The following CCL26 variants were observed in gnomAD, a reference collection of about 807,000 sequenced individuals.
CCL26 encodes the protein C-C motif chemokine ligand 26, also known as C-C motif chemokine 26.
Under a neutral mutation model 10.7 loss-of-function variants are expected in CCL26, and 10 were observed. The observed-to-expected ratio is 0.93, with a 90% CI of 0.57 to 1.58. The LOEUF is 1.58. Ranked by LOEUF, CCL26 falls within the 40% of genes most tolerant of loss-of-function variation. CCL26 has a pLI of 0.00. For missense variants in CCL26, 116 were observed against 111.0 expected, an observed-to-expected ratio of 1.05 and a Z score of -0.20; for synonymous variants, 43 against 41.4, an observed-to-expected ratio of 1.04 and a Z score of -0.15.
At chr7:75,778,862 C>A (rs2115666655) in intron 1 of CCL26, among the ~76,000 whole-genome samples, 1 of 151,730 alleles carries the variant, frequency 6.6e-6, no homozygotes, top group African/African-American at 2.4e-5. Context: ...GGGGGCAGAT[C>A]ACTAGGTCAG....
chr7:75,788,045 G>T (rs541216096), intron 1 of CCL26, among the ~76,000 whole-genome samples: 1 of 151,708 alleles, frequency 6.6e-6, no homozygotes, highest in Non-Finnish European at 1.5e-5. Flanking sequence ...AATCCTTCTC[G>T]AAGCAGCCCT....
In CCL26 at chr7:75,782,589, C is replaced by T. The variant is rs905403224; in HGVS notation, c.-79+7128G>A. On this transcript the variant is annotated intron_variant, in intron 1 of 3. Transcript: ENST00000394905. Reference sequence around the variant, plus strand: ...TCAAGAATTTAAAACCTCTTCAACTCTCACCTGACCTAAAATCTAAGCGTC... The same window carrying T: ...TCAAGAATTTAAAACCTCTTCAACTTTCACCTGACCTAAAATCTAAGCGTC... 2.0e-5 allele frequency among the ~76,000 whole-genome samples: 3 copies of T among 152,166 alleles called. No homozygotes were observed. In the East Asian group the frequency reaches 5.8e-4, roughly 29 times the overall value.
In CCL26 at chr7:75,772,160, A is replaced by G. The variant is rs550054284; in HGVS notation, c.17T>C (p.Leu6Ser). The change falls in exon 1 of 3, where the codon TTG (leucine) becomes TCG (serine). Residue 6 changes from leucine (L) to serine (S), a missense_variant. Transcript: ENST00000005180. ...GGAGGCCAGGAGCACAGCAGAGGCC[A>G]AGGAGAGGCCCATCATGATGCTGCA... MMGLS[L>S]ASAVLLASLL... The G allele has an allele frequency of 6.4e-7, 1 of 1,552,612 alleles. No homozygotes were observed. The highest frequency in any genetic ancestry group is 1.2e-5 in the South Asian group (1 of 84,364).
chr7:75,787,651 C>CAAAAAAAAAAAAAAAAAAAAAA lies in CCL26; in HGVS notation c.-79+2044_-79+2065dup, dbSNP rs55770109. On this transcript the variant is annotated intron_variant, in intron 1 of 3. Coordinates refer to the CCL26 transcript ENST00000394905. ...CAGAGTGAGACTCCGTCTCCAAAAG[C>CAAAAAAAAAAAAAAAAAAAAAA]AAAAAAAAAAAAAAAAAAAAAAAGA... Among the ~76,000 whole-genome samples, 5 of 27,748 alleles carry CAAAAAAAAAAAAAAAAAAAAAA rather than the reference C, an allele frequency of 1.8e-4. 1 individual carries two copies. Among genetic ancestry groups the CAAAAAAAAAAAAAAAAAAAAAA allele is most frequent in the Non-Finnish European group, 2.9e-4 (5 of 17,126 alleles). 18.2% of individuals were successfully genotyped at this position (27,748 alleles called of 152,430 possible).
chr7:75,790,131 TTCTC>T (rs1189850796), upstream of CCL26, among the ~76,000 whole-genome samples: 12 of 148,168 alleles, frequency 8.1e-5, no homozygotes, highest in South Asian at 2.2e-4. Flanking sequence ...CTTTCTTTCT[TTCTC>T]TCTCTCTCTT....
intron 1 of CCL26, among the ~76,000 whole-genome samples, chr7:75,777,853 T>C (rs1802977081): frequency 6.8e-6 from 1 of 147,520 alleles, no homozygotes; most frequent in African/African-American, 2.5e-5. Context: ...GGAGTCTTAC[T>C]CTGTTGCCCA....
intron 1 of CCL26, among the ~76,000 whole-genome samples, chr7:75,785,352 C>T (rs1166974011): frequency 2.0e-5 from 3 of 152,098 alleles, no homozygotes; most frequent in African/African-American, 4.8e-5. Context: ...TTTCTTTCTA[C>T]CCCTCTGCTT....
At chr7:75,780,872 A>C (rs1803045403) in intron 1 of CCL26, among the ~76,000 whole-genome samples, 1 of 149,450 alleles carries the variant, frequency 6.7e-6, no homozygotes, top group African/African-American at 2.5e-5. Context: ...TTATCACCTC[A>C]CCTCCTCACA....
At chr7:75,774,821 G>A (rs1031856448), upstream of CCL26, among the ~76,000 whole-genome samples, 1 of 152,138 alleles carries the variant, frequency 6.6e-6, no homozygotes, top group Non-Finnish European at 1.5e-5. Context: ...TCAGGAGGCC[G>A]AGGCAGGAGG....
At chr7:75,788,513 A>T (rs1264255509) in intron 1 of CCL26, among the ~76,000 whole-genome samples, 37 of 151,698 alleles carry the variant, frequency 2.4e-4, no homozygotes, top group Admixed American at 2.0e-3. Flanking sequence ...AAAAAGCTTT[A>T]TTGCTCACAC....
At position 75,777,674 on chromosome 7, in the gene CCL26, A is replaced by C. The variant is rs1292644275; in HGVS notation, c.-78-5420T>G. Among the ~76,000 whole-genome samples, 50 of 148,938 alleles carry C rather than the reference A, an allele frequency of 3.4e-4. 1 individual carries two copies. Among genetic ancestry groups the C allele is most frequent in the Non-Finnish European group, 1.3e-4 (9 of 67,460 alleles). On this transcript the variant is annotated intron_variant, in intron 1 of 3. Transcript: ENST00000394905. ...TGAGGTAGGAGGATTGCTGGAGCCC[A>C]GGAGTTCAAAGCTCAGGACTACCCA... is the stretch of plus-strand genomic sequence containing the variant.
At chr7:75,772,336 CAT>C, upstream of CCL26, 4 of 617,774 alleles carry the variant, frequency 6.5e-6, no homozygotes, top group South Asian at 3.9e-5. Context: ...AACTAATACT[CAT>C]AGGAATGAAA....
intron 1 of CCL26, among the ~76,000 whole-genome samples, chr7:75,778,285 G>A (rs1554528994): frequency 6.6e-6 from 1 of 151,872 alleles, no homozygotes; most frequent in Admixed American, 6.6e-5. Flanking sequence ...GCAGTGGCAC[G>A]ATCATAGCTC....
At chr7:75,776,394 G>A (rs1490067646), upstream of CCL26, among the ~76,000 whole-genome samples, 2 of 151,324 alleles carry the variant, frequency 1.3e-5, no homozygotes, top group African/African-American at 4.8e-5. Flanking sequence ...AATTAGCTGG[G>A]GCTGGGCATG....
chr7:75,773,484 G>C (rs967903305), upstream of CCL26, among the ~76,000 whole-genome samples: 1 of 151,990 alleles, frequency 6.6e-6, no homozygotes, highest in Non-Finnish European at 1.5e-5. Flanking sequence ...TTAAACTCTT[G>C]GCTCAAGTGA....
chr7:75,785,880 C>T (rs963344219), intron 1 of CCL26, among the ~76,000 whole-genome samples: 3 of 152,188 alleles, frequency 2.0e-5, no homozygotes, highest in African/African-American at 7.2e-5. Flanking sequence ...ACCGGGACCG[C>T]GCCCTGTAGC....
chr7:75,783,928 T>C (rs1554529711), intron 1 of CCL26, among the ~76,000 whole-genome samples: 1 of 152,212 alleles, frequency 6.6e-6, no homozygotes, highest in East Asian at 1.9e-4. Flanking sequence ...ATATACATTT[T>C]ATTTTATTAC....
intron 1 of CCL26, among the ~76,000 whole-genome samples, chr7:75,787,642 C>T (rs1163822985): frequency 3.8e-5 from 3 of 78,920 alleles, no homozygotes; most frequent in African/African-American, 1.2e-4. Context: ...GAGACTCCGT[C>T]TCCAAAAGCA....
intron 1 of CCL26, among the ~76,000 whole-genome samples, chr7:75,781,956 G>A (rs1554529507): frequency 6.6e-6 from 1 of 152,110 alleles, no homozygotes; most frequent in Non-Finnish European, 1.5e-5. Flanking sequence ...GAAGACCCAG[G>A]TCAGTGGGAC....
Sources: allele counts gnomAD v4.1 joint callset (sites outside exome capture counted in the v4.1 genomes callset), GRCh38; gene constraint gnomAD v4.1.1; transcripts MANE v1.5; gene names NCBI Gene and HGNC (gene_info 2026-07-23, HGNC 2026-07-21).